The following ADCY9 variants were observed in gnomAD, a reference collection of about 807,000 sequenced individuals.
ADCY9 encodes the protein adenylate cyclase 9.
Under a neutral mutation model 101.5 loss-of-function variants are expected in ADCY9, and 50 were observed. The ratio of observed to expected loss-of-function variants is 0.49; its 90% CI spans 0.39 to 0.62. ADCY9 has a LOEUF of 0.62. ADCY9 is among the 20% of genes least tolerant of loss of function. ADCY9 has a pLI of 0.00. For synonymous variants in ADCY9, 905 were observed against 769.3 expected (o/e 1.18, Z -2.92); for missense variants, 1,662 against 1,800.4 (o/e 0.92, Z 1.39).
At chr16:3,995,679 G>T (rs2056281633) in intron 3 of ADCY9, among the ~76,000 whole-genome samples, 1 of 151,630 alleles carries the variant, frequency 6.6e-6, no homozygotes, top group Non-Finnish European at 1.5e-5. Flanking sequence ...ATTATGGGAG[G>T]CCAGATATTA....
rs560477270 is a variant in ADCY9 at position 4,018,912 on chromosome 16, C to T, written c.1694-11354G>A. ...CTGAAATACTATGGACTATGTATTT[C>T]GGACTTCCTTTTTCTGAACTTTTCT... On this transcript the variant is annotated intron_variant, in intron 2 of 10. Coordinates refer to ENST00000294016, the MANE Select transcript of ADCY9 (RefSeq NM_001116.4). 7.9e-4 allele frequency among the ~76,000 whole-genome samples: 105 copies of T among 133,092 alleles called. 4 individuals carry two copies. The South Asian group carries it at 0.017, about 21-fold the overall frequency. 87.3% of individuals were successfully genotyped at this position (133,092 alleles called of 152,430 possible).
chr16:3,968,748 C>T (rs938744072), intron 10 of ADCY9, among the ~76,000 whole-genome samples: 11 of 152,242 alleles, frequency 7.2e-5, no homozygotes, highest in Middle Eastern at 3.4e-3. Flanking sequence ...TATCTTTGTG[C>T]GTATGGAAGT....
intron 2 of ADCY9, among the ~76,000 whole-genome samples, chr16:4,103,559 G>C (rs1567149695): frequency 6.6e-6 from 1 of 152,166 alleles, no homozygotes; most frequent in Non-Finnish European, 1.5e-5. Flanking sequence ...GCCGGGCATA[G>C]TGGCTCACGC....
chr16:4,059,799 G>A (rs1041494614), intron 2 of ADCY9, among the ~76,000 whole-genome samples: 2 of 152,198 alleles, frequency 1.3e-5, no homozygotes, highest in African/African-American at 4.8e-5. Flanking sequence ...TCAGGAGGCT[G>A]AGGTGGGAAA....
chr16:4,080,296 T>C (rs1236863787), intron 2 of ADCY9, among the ~76,000 whole-genome samples: 2 of 152,196 alleles, frequency 1.3e-5, no homozygotes, highest in African/African-American at 4.8e-5. Context: ...CAGGCTCTAG[T>C]GCAGTGGCAT....
chr16:4,021,303 C>G lies in ADCY9; in HGVS notation c.1694-13745G>C, dbSNP rs71388557. 8.3e-3 allele frequency among the ~76,000 whole-genome samples: 1,264 copies of G among 152,340 alleles called. 16 individuals are homozygous for G. Among genetic ancestry groups the G allele is most frequent in the Non-Finnish European group, 9.3e-3 (630 of 68,030 alleles). Reference sequence around the variant, plus strand: ...CAAGATCTGGCAGAGACAGACAAGGCCACGCCGGCAGCAGGTGTTTCAGGA... The same window carrying G: ...CAAGATCTGGCAGAGACAGACAAGGGCACGCCGGCAGCAGGTGTTTCAGGA... On this transcript the variant is annotated intron_variant, in intron 2 of 10. Coordinates refer to ENST00000294016, the MANE Select transcript of ADCY9 (RefSeq NM_001116.4).
chr16:4,039,655 G>A (rs1324913556), intron 2 of ADCY9, among the ~76,000 whole-genome samples: 1 of 147,118 alleles, frequency 6.8e-6, no homozygotes, highest in Non-Finnish European at 1.5e-5. Flanking sequence ...TTCCAGCCTG[G>A]GCAACAAGAG....
intron 2 of ADCY9, among the ~76,000 whole-genome samples, chr16:4,009,455 C>T (rs2056389086): frequency 6.6e-6 from 1 of 152,142 alleles, no homozygotes; most frequent in Admixed American, 6.5e-5. Context: ...GGGGGTCTCA[C>T]TGTGTTGGCC....
Position 3,992,074 on chromosome 16 carries a change from G to T in ADCY9, c.2207+72C>A. ...TGACAGAGCGAGACTCAGTCTTAAAGAAAAGAAAAGAAAAAGGCAGAGAGG... is the reference window on the plus strand; with the variant it reads ...TGACAGAGCGAGACTCAGTCTTAAATAAAAGAAAAGAAAAAGGCAGAGAGG... On this transcript the variant is annotated intron_variant, in intron 5 of 10. Transcript: ENST00000294016. The surrounding 1 kb of genome is among the most constrained non-coding windows in gnomAD (Gnocchi z 4.2). 1 of 1,472,624 alleles carries T rather than the reference G, an allele frequency of 6.8e-7. No individual in the cohort carries two copies. The highest frequency in any genetic ancestry group is 9.4e-7 in the Non-Finnish European group (1 of 1,067,956). 91.2% of individuals were successfully genotyped at this position (1,472,624 alleles called of 1,614,324 possible).
At chr16:4,039,033 G>A (rs1012123164) in intron 2 of ADCY9, among the ~76,000 whole-genome samples, 2 of 152,066 alleles carry the variant, frequency 1.3e-5, no homozygotes, top group African/African-American at 2.4e-5. Context: ...TAGAGAATAC[G>A]GATTATGTGT....
At chr16:4,056,175 C>G (rs950204174) in intron 2 of ADCY9, among the ~76,000 whole-genome samples, 2 of 152,246 alleles carry the variant, frequency 1.3e-5, no homozygotes, top group Non-Finnish European at 2.9e-5. Context: ...CATCAGCTCT[C>G]AACATATTTA....
rs566021170 is a variant in ADCY9, at chr16:4,084,104, G to T, written c.1693+29646C>A. ...TTACATCTCAATAAAGCTTTCTTTT[G>T]TTTGTTTTGTTTTGTTTTTGTTTTT... On this transcript the variant is annotated intron_variant, in intron 2 of 10. Coordinates refer to ENST00000294016, the MANE Select transcript of ADCY9 (RefSeq NM_001116.4). 5.3e-5 allele frequency among the ~76,000 whole-genome samples: 8 copies of T among 151,846 alleles called. No homozygotes were observed. The East Asian group carries it at 1.6e-3, about 30-fold the overall frequency.
intron 9 of ADCY9, among the ~76,000 whole-genome samples, chr16:3,975,876 T>G (rs1434557826): frequency 2.6e-5 from 4 of 152,256 alleles, no homozygotes; most frequent in African/African-American, 9.6e-5. Context: ...AATTGTTCAC[T>G]GCTTACATTC....
intron 2 of ADCY9, among the ~76,000 whole-genome samples, chr16:4,048,059 G>C (rs1414966240): frequency 7.5e-6 from 1 of 132,556 alleles, no homozygotes; most frequent in Non-Finnish European, 1.6e-5. Flanking sequence ...TGCTCACCCT[G>C]AACAAAACAG....
intron 9 of ADCY9, among the ~76,000 whole-genome samples, chr16:3,975,260 A>C (rs2056084474): frequency 6.6e-6 from 1 of 152,216 alleles, no homozygotes; most frequent in Non-Finnish European, 1.5e-5. Flanking sequence ...AGATGGCCAT[A>C]CCTTCAGAAA....
chr16:4,008,113 T>G (rs2056379643), intron 2 of ADCY9, among the ~76,000 whole-genome samples: 1 of 152,078 alleles, frequency 6.6e-6, no homozygotes, highest in African/African-American at 2.4e-5. Flanking sequence ...ATCTATTTCC[T>G]GTTGGATTCA....
intron 2 of ADCY9, among the ~76,000 whole-genome samples, chr16:4,027,376 G>C (rs2056523071): frequency 6.6e-6 from 1 of 152,238 alleles, no homozygotes; most frequent in Non-Finnish European, 1.5e-5. Flanking sequence ...CACCCATAAA[G>C]GGTGTATTAG....
rs187408885 is a variant in ADCY9 at position 3,965,585 on chromosome 16, G to C, written c.*190C>G. 26 of 624,312 alleles carry C rather than the reference G, an allele frequency of 4.2e-5. No homozygotes were observed. In the African/African-American group the frequency reaches 4.2e-4, roughly 10 times the overall value. The allele number at this position is 624,312 out of a possible 1,614,324, so 38.7% of individuals were successfully genotyped here. On this transcript the variant is annotated 3_prime_UTR_variant, in exon 11 of 11. Transcript: ENST00000294016. ...GAGGCAGCGGGGTTTCCAGGGAAGG[G>C]AGCGAAAGGGAAGAATGGATGAAAA...
Position 3,983,353 on chromosome 16 carries a change from T to C in ADCY9, c.2398A>G (p.Thr800Ala). ...TTCAGGAAGCAGGTGGTGGACAGCG[T>C]CAGAAACACTGTGGTCGACAGAAAC... Reference protein sequence around the residue: ...DVFLSTTVFLTLSTTCFLKYE... With the variant: ...DVFLSTTVFLALSTTCFLKYE... Residue 800 changes from threonine (T) to alanine (A), a missense_variant, in exon 7 of 11, where the codon ACG becomes GCG. Transcript: ENST00000294016. The C allele has an allele frequency of 6.2e-7, 1 of 1,600,604 alleles. No homozygotes were observed.
Sources: gnomAD v4.1 joint callset for allele counts (sites outside exome capture counted in the v4.1 genomes callset) on GRCh38, gnomAD v4.1.1 for gene constraint, Gnocchi (gnomAD v3.1) non-coding constraint, MANE v1.5 for transcripts, NCBI Gene and HGNC (gene_info 2026-07-23, HGNC 2026-07-21) for gene names.